The following TMEM177 variants were observed in gnomAD, a reference collection of about 807,000 sequenced individuals.
TMEM177 encodes the protein transmembrane protein 177.
Under a neutral mutation model 14.2 loss-of-function variants are expected in TMEM177, and 4 were observed. The observed-to-expected ratio is 0.28, with a 90% CI of 0.14 to 0.64. The LOEUF (loss-of-function observed/expected upper bound fraction) is 0.64, where lower values mean the gene tolerates loss of function less well. TMEM177 is among the 30% of genes least tolerant of loss of function. The probability of loss-of-function intolerance (pLI) is 0.82; values close to 1 mark genes in which losing one functional copy is unlikely to be tolerated. For missense variants in TMEM177, 344 were observed against 405.2 expected (o/e 0.85, Z 1.30); for synonymous variants, 179 against 174.5 (o/e 1.03, Z -0.20).
chr2:119,717,501 G>A, the TMEM177 span, among the ~76,000 whole-genome samples: 1 of 151,322 alleles, frequency 6.6e-6, no homozygotes, highest in South Asian at 2.1e-4. Flanking sequence ...GAGCTTTTCT[G>A]TGGGCCCCTG....
At chr2:119,712,572 C>A in the TMEM177 span, among the ~76,000 whole-genome samples, 2 of 152,166 alleles carry the variant, frequency 1.3e-5, no homozygotes, top group African/African-American at 4.8e-5. Flanking sequence ...GGGGCATCCA[C>A]AAGCCAAGAA....
chr2:119,712,859 A>T, the TMEM177 span, among the ~76,000 whole-genome samples: 1 of 152,150 alleles, frequency 6.6e-6, no homozygotes, highest in Non-Finnish European at 1.5e-5. Flanking sequence ...TCTTGTTAAG[A>T]CTGTAATAAA....
At chr2:119,707,070 C>T in the TMEM177 span, among the ~76,000 whole-genome samples, 2 of 152,040 alleles carry the variant, frequency 1.3e-5, no homozygotes, top group South Asian at 4.2e-4. Flanking sequence ...CACCACAACG[C>T]CCAGCTAATT....
the TMEM177 span, among the ~76,000 whole-genome samples, chr2:119,701,689 A>T: frequency 6.6e-6 from 1 of 152,242 alleles, no homozygotes; most frequent in Non-Finnish European, 1.5e-5. Flanking sequence ...CAATGGAGAA[A>T]GAGGAATTCA....
At chr2:119,694,074 A>AC in the TMEM177 span, among the ~76,000 whole-genome samples, 1 of 8,814 alleles carries the variant, frequency 1.1e-4, no homozygotes, top group Non-Finnish European at 2.7e-4. Flanking sequence ...ATACACACAC[A>AC]ACATACACAC....
At chr2:119,706,139 TCA>T in the TMEM177 span, among the ~76,000 whole-genome samples, 1 of 151,842 alleles carries the variant, frequency 6.6e-6, no homozygotes, top group Non-Finnish European at 1.5e-5. Context: ...TTCTCCTGTC[TCA>T]GACTCCCAAG....
chr2:119,708,773 T>G, the TMEM177 span, among the ~76,000 whole-genome samples: 1 of 152,036 alleles, frequency 6.6e-6, no homozygotes, highest in South Asian at 2.1e-4. Context: ...CCACAGCCCT[T>G]CTCTCACAGG....
chr2:119,680,497 C>T (rs142687066), intron 1 of TMEM177, among the ~76,000 whole-genome samples: 2,123 of 152,210 alleles, frequency 0.014, 21 homozygotes, highest in Non-Finnish European at 0.021. Flanking sequence ...GTTGGAGTGC[C>T]GTGCCCAGCG....
downstream of TMEM177, among the ~76,000 whole-genome samples, chr2:119,684,043 G>A (rs895958867): frequency 4.6e-5 from 7 of 152,062 alleles, no homozygotes; most frequent in African/African-American, 1.7e-4. Context: ...CCCAGCTCCT[G>A]GAAGTGCAGG....
At chr2:119,705,806 T>C in the TMEM177 span, among the ~76,000 whole-genome samples, 1 of 151,662 alleles carries the variant, frequency 6.6e-6, no homozygotes. Flanking sequence ...TGTGACTCAT[T>C]GGGGGCCATT....
chr2:119,721,122 TGCTGAGATG>T, the TMEM177 span, among the ~76,000 whole-genome samples: 1 of 152,220 alleles, frequency 6.6e-6, no homozygotes, highest in African/African-American at 2.4e-5. Context: ...CCTGAGTTTA[TGCTGAGATG>T]GCTCAGGATT....
the TMEM177 span, among the ~76,000 whole-genome samples, chr2:119,693,275 G>A: frequency 1.3e-5 from 2 of 152,198 alleles, no homozygotes; most frequent in Admixed American, 1.3e-4. Context: ...CTGTAGTAGG[G>A]TGCTTTTGGG....
In TMEM177 at chr2:119,681,870, G is replaced by A. The variant is rs1406715549; in HGVS notation, c.*81G>A. 2.2e-6 allele frequency: 3 copies of A among 1,392,528 alleles called. No homozygotes were observed. Among genetic ancestry groups the A allele is most frequent in the Non-Finnish European group, 3.0e-6 (3 of 1,012,706 alleles). 86.3% of individuals were successfully genotyped at this position (1,392,528 alleles called of 1,614,324 possible). On this transcript the variant is annotated 3_prime_UTR_variant, in exon 2 of 2. Coordinates refer to ENST00000272521, the MANE Select transcript of TMEM177 (RefSeq NM_030577.3). Reference sequence around the variant, plus strand: ...CTGGAGGGCCCTGTTGGAGCCTTTGGACCTATAGCTCACGGCCAGAAAAAT... The same window carrying A: ...CTGGAGGGCCCTGTTGGAGCCTTTGAACCTATAGCTCACGGCCAGAAAAAT...
At chr2:119,707,055 G>A in the TMEM177 span, among the ~76,000 whole-genome samples, 5 of 151,964 alleles carry the variant, frequency 3.3e-5, no homozygotes. Context: ...GGGACCACAG[G>A]CGCCCACCAC....
chr2:119,711,876 G>A, the TMEM177 span, among the ~76,000 whole-genome samples: 4 of 152,182 alleles, frequency 2.6e-5, no homozygotes, highest in Non-Finnish European at 5.9e-5. Flanking sequence ...TACGCCAGAT[G>A]ACCTGGAACA....
the TMEM177 span, among the ~76,000 whole-genome samples, chr2:119,714,515 A>G: frequency 1.3e-5 from 2 of 152,218 alleles, no homozygotes; most frequent in African/African-American, 2.4e-5. Flanking sequence ...TAGAAAAAGA[A>G]GGTGGGACAA....
chr2:119,711,107 G>A, the TMEM177 span, among the ~76,000 whole-genome samples: 3,126 of 152,314 alleles, frequency 0.021, 44 homozygotes, highest in Non-Finnish European at 0.032. Flanking sequence ...CCACCCTCAC[G>A]ATAGGTGCCT....
chr2:119,696,102 C>T, the TMEM177 span, among the ~76,000 whole-genome samples: 1 of 152,176 alleles, frequency 6.6e-6, no homozygotes, highest in Non-Finnish European at 1.5e-5. Context: ...TCTGTGGCTG[C>T]AGACCATCCT....
the TMEM177 span, among the ~76,000 whole-genome samples, chr2:119,706,021 T>TATATATTATATATTATATATTTA: frequency 2.8e-5 from 2 of 71,984 alleles, no homozygotes; most frequent in Non-Finnish European, 6.4e-5. Context: ...TTATATATAT[T>TATATATTATATATTATATATTTA]TATATATATA....
Sources: allele counts gnomAD v4.1 joint callset (sites outside exome capture counted in the v4.1 genomes callset), GRCh38; gene constraint gnomAD v4.1.1; transcripts MANE v1.5; gene names NCBI Gene and HGNC (gene_info 2026-07-23, HGNC 2026-07-21).